The following CSMD1 variants were observed in gnomAD, a reference collection of about 807,000 sequenced individuals.
CSMD1 encodes CUB and sushi domain-containing protein 1.
CSMD1 carries 213 observed loss-of-function variants against 417.5 expected under a neutral mutation model. The ratio of observed to expected loss-of-function variants is 0.51; its 90% CI spans 0.46 to 0.57. The LOEUF (loss-of-function observed/expected upper bound fraction) is 0.57. CSMD1 is among the 20% of genes least tolerant of loss of function. CSMD1 has a pLI of 0.00. For missense variants in CSMD1, 6,923 were observed against 4,529.7 expected, an observed-to-expected ratio of 1.53 and a Z score of -15.17; for synonymous variants, 2,862 against 1,736.8, an observed-to-expected ratio of 1.65 and a Z score of -16.11.
chr8:4,661,794 A>T (rs1220550130), intron 1 of CSMD1, among the ~76,000 whole-genome samples: 3 of 152,224 alleles, frequency 2.0e-5, no homozygotes, highest in Non-Finnish European at 4.4e-5. Context: ...CCTATATCCA[A>T]AAAACGGTTA....
At chr8:3,573,241 T>C (rs1265181515) in intron 10 of CSMD1, among the ~76,000 whole-genome samples, 2 of 152,210 alleles carry the variant, frequency 1.3e-5, no homozygotes, top group Admixed American at 1.3e-4. Flanking sequence ...TATTACTATA[T>C]CTCTTTGCCC....
At chr8:4,719,464 A>G (rs1265497626) in intron 1 of CSMD1, among the ~76,000 whole-genome samples, 1 of 152,112 alleles carries the variant, frequency 6.6e-6, no homozygotes, top group Admixed American at 6.5e-5. Context: ...CCTTTCTTCC[A>G]GAAATGGACT....
intron 10 of CSMD1, among the ~76,000 whole-genome samples, chr8:3,513,770 C>A (rs1450108866): frequency 1.3e-5 from 2 of 152,148 alleles, no homozygotes; most frequent in Non-Finnish European, 2.9e-5. Context: ...TGCAGCTTCA[C>A]CAAACACATG....
chr8:4,781,000 C>T (rs957192881), intron 1 of CSMD1, among the ~76,000 whole-genome samples: 1 of 152,160 alleles, frequency 6.6e-6, no homozygotes, highest in Non-Finnish European at 1.5e-5. Flanking sequence ...CAGTGTCTTA[C>T]CTTAAATAGG....
At chr8:3,610,828 A>G (rs1331757671) in intron 8 of CSMD1, among the ~76,000 whole-genome samples, 9 of 152,102 alleles carry the variant, frequency 5.9e-5, no homozygotes, top group Non-Finnish European at 1.3e-4. Context: ...CTGTGAGGTC[A>G]AAATCATTTT....
intron 33 of CSMD1, among the ~76,000 whole-genome samples, chr8:3,192,308 C>T (rs1331095572): frequency 3.9e-5 from 6 of 152,096 alleles, no homozygotes; most frequent in African/African-American, 1.2e-4. Flanking sequence ...TTTGGTGTTT[C>T]AGGTTTGGAA....
chr8:3,408,953 C>A (rs189050671), intron 13 of CSMD1, among the ~76,000 whole-genome samples: 2 of 152,210 alleles, frequency 1.3e-5, no homozygotes, highest in South Asian at 4.1e-4. Flanking sequence ...GACTGTGAAG[C>A]CTTTTCTACT....
At chr8:3,461,140 C>A (rs1443823133) in intron 12 of CSMD1, among the ~76,000 whole-genome samples, 2 of 152,174 alleles carry the variant, frequency 1.3e-5, no homozygotes, top group Non-Finnish European at 2.9e-5. Flanking sequence ...CTCTGCGGAA[C>A]TGAGGCTGCT....
chr8:3,269,477 C>A lies in CSMD1; in HGVS notation c.4153+14667G>T, dbSNP rs1171204965. Among the ~76,000 whole-genome samples, 3 of 152,202 alleles carry A rather than the reference C, an allele frequency of 2.0e-5. No homozygotes were observed. In the South Asian group the frequency reaches 6.2e-4, roughly 31 times the overall value. On this transcript the variant is annotated intron_variant, in intron 26 of 69. Coordinates refer to ENST00000635120, the MANE Select transcript of CSMD1 (RefSeq NM_033225.6). Reference sequence around the variant, plus strand: ...CAAAGGCCTCTCCTGTAATAAACAACAAATGATGTTTTAAAATGAAAATGC... The same window carrying A: ...CAAAGGCCTCTCCTGTAATAAACAAAAAATGATGTTTTAAAATGAAAATGC...
intron 6 of CSMD1, among the ~76,000 whole-genome samples, chr8:3,711,743 G>T (rs955696811): frequency 1.3e-5 from 2 of 152,094 alleles, no homozygotes; most frequent in Non-Finnish European, 2.9e-5. Context: ...AATGGCAAAC[G>T]TATCACCCCC....
intron 1 of CSMD1, among the ~76,000 whole-genome samples, chr8:4,979,762 G>A (rs772706784): frequency 3.3e-5 from 5 of 152,154 alleles, no homozygotes; most frequent in African/African-American, 1.2e-4. Context: ...AGTTGGCCAC[G>A]CGTGGTGGCT....
At chr8:4,128,401 C>G (rs1179670856) in intron 3 of CSMD1, among the ~76,000 whole-genome samples, 7 of 152,158 alleles carry the variant, frequency 4.6e-5, no homozygotes, top group Non-Finnish European at 4.4e-5. Flanking sequence ...GGAACTAAAA[C>G]ATCTGTGATG....
intron 1 of CSMD1, among the ~76,000 whole-genome samples, chr8:4,807,968 G>A (rs897427382): frequency 6.6e-6 from 1 of 152,104 alleles, no homozygotes; most frequent in African/African-American, 2.4e-5. Flanking sequence ...GAGTTCACTT[G>A]GAAAAACTTC....
chr8:3,601,966 A>C (rs958145686), intron 8 of CSMD1, among the ~76,000 whole-genome samples: 1 of 152,120 alleles, frequency 6.6e-6, no homozygotes, highest in Non-Finnish European at 1.5e-5. Flanking sequence ...AGGAAGTACA[A>C]TGGTGGCTGT....
At chr8:4,448,385 C>T (rs759431741) in intron 2 of CSMD1, among the ~76,000 whole-genome samples, 12 of 152,148 alleles carry the variant, frequency 7.9e-5, no homozygotes, top group Non-Finnish European at 1.6e-4. Flanking sequence ...CGCCAGTTGT[C>T]CAACTCCTAC....
intron 10 of CSMD1, among the ~76,000 whole-genome samples, chr8:3,514,006 A>G (rs1197219825): frequency 6.6e-6 from 1 of 152,234 alleles, no homozygotes; most frequent in East Asian, 1.9e-4. Context: ...CCTTCTTTTT[A>G]TCGTACAGAA....
intron 49 of CSMD1, among the ~76,000 whole-genome samples, chr8:3,079,297 C>T (rs1471268): frequency 0.32 from 48,765 of 152,016 alleles, 7,949 homozygotes; most frequent in East Asian, 0.38. Flanking sequence ...TGCCTACAAC[C>T]TATATAAAAG....
intron 2 of CSMD1, among the ~76,000 whole-genome samples, chr8:4,633,838 G>C (rs1380519033): frequency 6.6e-6 from 1 of 152,106 alleles, no homozygotes; most frequent in African/African-American, 2.4e-5. Flanking sequence ...TGGGATTACA[G>C]GCATGAGCCA....
chr8:3,456,136 T>G (rs1466424821), intron 12 of CSMD1, among the ~76,000 whole-genome samples: 3 of 152,206 alleles, frequency 2.0e-5, no homozygotes, highest in Admixed American at 2.0e-4. Flanking sequence ...TCTCCTGGTG[T>G]GCCATTTGCT....
Sources: gnomAD v4.1 joint callset for allele counts (sites outside exome capture counted in the v4.1 genomes callset) on GRCh38, gnomAD v4.1.1 for gene constraint, MANE v1.5 for transcripts, NCBI Gene and HGNC (gene_info 2026-07-23, HGNC 2026-07-21) for gene names.